OSBPL10: variants seen among roughly 807,000 people sequenced by gnomAD.
The protein encoded by OSBPL10 is oxysterol-binding protein-related protein 10.
In OSBPL10, 49 loss-of-function variants were observed where a neutral mutation model predicts 81.7. The ratio of observed to expected loss-of-function variants is 0.60; its 90% CI spans 0.48 to 0.76. OSBPL10 has a LOEUF of 0.76. Ranked by LOEUF, OSBPL10 falls within the 30% of genes least tolerant of loss-of-function variation. The pLI is 0.00. For synonymous variants in OSBPL10, 419 were observed against 383.6 expected (o/e 1.09, Z -1.08); for missense variants, 923 against 987.8 (o/e 0.93, Z 0.88).
intron 1 of OSBPL10, among the ~76,000 whole-genome samples, chr3:31,971,375 G>A (rs1698563045): frequency 6.6e-6 from 1 of 151,992 alleles, no homozygotes; most frequent in African/African-American, 2.4e-5. Context: ...CCTGACCTCA[G>A]GTGATCCACC....
At chr3:32,005,276 G>A (rs1167325030) in intron 2 of OSBPL10, among the ~76,000 whole-genome samples, 1 of 151,998 alleles carries the variant, frequency 6.6e-6, no homozygotes, top group Admixed American at 6.6e-5. Flanking sequence ...TGATGCACAC[G>A]CACATCTAGT....
In OSBPL10 at chr3:31,990,238, C is replaced by G. The variant is rs747261564; in HGVS notation, n.298+56253G>C. 9 of 1,613,322 alleles carry G rather than the reference C, an allele frequency of 5.6e-6. No individual in the cohort carries two copies. The highest frequency in any genetic ancestry group is 7.6e-6 in the Non-Finnish European group (9 of 1,179,758). ...CTTTAGTGGGCAGTCAACACTTATTCACCATCAAGCAATCCATGGTATAGG... is the reference window on the plus strand; with the variant it reads ...CTTTAGTGGGCAGTCAACACTTATTGACCATCAAGCAATCCATGGTATAGG... On this transcript the variant is annotated intron_variant and non_coding_transcript_variant, in intron 2 of 3. Transcript: ENST00000479173.
chr3:31,705,379 C>CA (rs1559425073), intron 6 of OSBPL10, among the ~76,000 whole-genome samples: 7 of 139,024 alleles, frequency 5.0e-5, no homozygotes, highest in African/African-American at 1.9e-4. Context: ...AAGACCCCCC[C>CA]CCCCACCCCC....
intron 1 of OSBPL10, among the ~76,000 whole-genome samples, chr3:32,073,166 T>A (rs894318071): frequency 6.6e-6 from 1 of 152,174 alleles, no homozygotes. Context: ...AACTTTTATA[T>A]GGATGCACTT....
chr3:31,721,722 C>T (rs1035820344), intron 6 of OSBPL10: 19 of 152,230 alleles, frequency 1.2e-4, no homozygotes, highest in Admixed American at 1.1e-3. Context: ...CATGACAACA[C>T]ACGTTCTTAA....
rs148539993 is a variant in OSBPL10 at position 31,737,411 on chromosome 3, A to T, written c.941-4000T>A. Among the ~76,000 whole-genome samples the T allele has an allele frequency of 4.0e-3, 611 of 152,320 alleles. 1 individual carries two copies. The highest frequency in any genetic ancestry group is 6.1e-3 in the Non-Finnish European group (412 of 68,022). The stretch of plus-strand genomic sequence containing the variant: ...TCTAACATAAGGTGTTAGAGAAAAC[A>T]CCAGGAAAGGTGTTTCCTCAGCACA... On this transcript the variant is annotated intron_variant, in intron 5 of 11. Transcript: ENST00000396556.
chr3:31,726,279 C>T lies in OSBPL10; in HGVS notation c.1095+6978G>A, dbSNP rs375941856. On this transcript the variant is annotated intron_variant, in intron 6 of 11. Coordinates refer to ENST00000396556, the MANE Select transcript of OSBPL10 (RefSeq NM_017784.5). ...ATAACAGGGGGAGTGTACTAAGGGG[C>T]TTCGCTTCCCAAACAAAAAGTGTCT... Among the ~76,000 whole-genome samples, 7 of 151,802 alleles carry T rather than the reference C, an allele frequency of 4.6e-5. No individual in the cohort carries two copies. In the East Asian group the frequency reaches 9.7e-4, roughly 21 times the overall value.
At chr3:31,984,310 G>A (rs1002752029), upstream of OSBPL10, among the ~76,000 whole-genome samples, 4 of 151,702 alleles carry the variant, frequency 2.6e-5, no homozygotes, top group Admixed American at 2.0e-4. Context: ...AAAGTGCTGG[G>A]ATTACAGGCG....
rs77298572 is a variant in OSBPL10, at chr3:32,000,594, G to T, written n.298+45897C>A. On this transcript the variant is annotated intron_variant and non_coding_transcript_variant, in intron 2 of 3. Transcript: ENST00000479173. Reference sequence around the variant, plus strand: ...AAAAGCATTTCTATAACATCTGTGCGAAATTGCGGGGCTGTTCTCAGCACG... The same window carrying T: ...AAAAGCATTTCTATAACATCTGTGCTAAATTGCGGGGCTGTTCTCAGCACG... Among the ~76,000 whole-genome samples the T allele has an allele frequency of 3.2e-3, 494 of 152,294 alleles. 2 individuals are homozygous for T. Among genetic ancestry groups the T allele is most frequent in the Non-Finnish European group, 4.9e-3 (336 of 68,030 alleles).
chr3:31,990,341 A>G, intron 2 of OSBPL10: 1 of 1,614,094 alleles, frequency 6.2e-7, no homozygotes, highest in Non-Finnish European at 8.5e-7. Flanking sequence ...AGAATCCATA[A>G]TGAAGAGAGA....
intron 2 of OSBPL10, among the ~76,000 whole-genome samples, chr3:32,001,392 C>T (rs181205118): frequency 1.3e-4 from 20 of 152,238 alleles, no homozygotes; most frequent in African/African-American, 3.6e-4. Flanking sequence ...ATAGGTATTA[C>T]TTGAGGGTCT....
At chr3:31,996,658 G>A (rs956565361) in intron 2 of OSBPL10, among the ~76,000 whole-genome samples, 6 of 152,104 alleles carry the variant, frequency 3.9e-5, no homozygotes, top group Admixed American at 6.6e-5. Flanking sequence ...AGCTGTTGCC[G>A]GGTGCTGACG....
At chr3:31,963,462 T>A (rs1485439591) in intron 1 of OSBPL10, among the ~76,000 whole-genome samples, 2 of 152,190 alleles carry the variant, frequency 1.3e-5, no homozygotes, top group Non-Finnish European at 2.9e-5. Flanking sequence ...ACTTAAATGC[T>A]GCCAGTTCTT....
intron 1 of OSBPL10, among the ~76,000 whole-genome samples, chr3:31,926,288 T>TTCCCCCCCCCCCC (rs1034706033): frequency 6.8e-5 from 6 of 88,138 alleles, no homozygotes; most frequent in African/African-American, 2.0e-4. Flanking sequence ...TGGGTGATTT[T>TTCCCCCCCCCCCC]GCCCCCCCAG....
chr3:32,001,173 G>C (rs1357894025), intron 2 of OSBPL10, among the ~76,000 whole-genome samples: 1 of 152,174 alleles, frequency 6.6e-6, no homozygotes, highest in African/African-American at 2.4e-5. Flanking sequence ...CATTGTTTCA[G>C]GTGGGGTTCT....
At chr3:31,817,811 C>G (rs1430293342) in intron 4 of OSBPL10, among the ~76,000 whole-genome samples, 1 of 152,204 alleles carries the variant, frequency 6.6e-6, no homozygotes, top group African/African-American at 2.4e-5. Flanking sequence ...CAGCCCCAGT[C>G]AAGCCTCCCT....
chr3:31,903,675 T>C (rs2125680905), intron 1 of OSBPL10, among the ~76,000 whole-genome samples: 1 of 152,226 alleles, frequency 6.6e-6, no homozygotes, highest in Middle Eastern at 3.4e-3. Context: ...CAGAGATCTC[T>C]CATCAGAGTC....
rs56785817 is a variant in OSBPL10 at position 31,971,139 on chromosome 3, CTTTTTTTTTTT to C, written c.281+9749_281+9759del. On this transcript the variant is annotated intron_variant, in intron 1 of 11. Transcript: ENST00000396556. ...TTTTTTCTGTTTTTTTTTCTTTTTT[CTTTTTTTTTTT>C]TTTTTTTTGAGCTGGAGTCTTGCTC... Among the ~76,000 whole-genome samples the C allele has an allele frequency of 2.0e-4, 24 of 119,342 alleles. No homozygotes were observed. In the East Asian group the frequency reaches 3.8e-3, roughly 19 times the overall value. The allele number at this position is 119,342 out of a possible 152,430, so 78.3% of individuals were successfully genotyped here. A position where few individuals can be genotyped will look rare whatever the true frequency, so the allele number is the denominator to read the frequency against.
Position 31,789,587 on chromosome 3 carries a change from G to A in OSBPL10, c.729+40453C>T, listed in dbSNP as rs564136178. Among the ~76,000 whole-genome samples the A allele has an allele frequency of 4.6e-5, 7 of 152,312 alleles. No individual in the cohort carries two copies. In the East Asian group the frequency reaches 7.7e-4, roughly 17 times the overall value. On this transcript the variant is annotated intron_variant, in intron 4 of 11. Transcript: ENST00000396556. The stretch of plus-strand genomic sequence containing the variant: ...GTGGTGGGGGACCAAGTGCAGAGCC[G>A]GGAGCACTGCCAGGCAGGGGCACTG...
Sources: gnomAD v4.1 joint callset for allele counts (sites outside exome capture counted in the v4.1 genomes callset) on GRCh38, gnomAD v4.1.1 for gene constraint, MANE v1.5 for transcripts, NCBI Gene and HGNC (gene_info 2026-07-23, HGNC 2026-07-21) for gene names.